The following SYT9 variants were observed in gnomAD, a reference collection of about 807,000 sequenced individuals.
SYT9 encodes the protein synaptotagmin-9.
In SYT9, 22 loss-of-function variants were observed where a neutral mutation model predicts 48.4. The ratio of observed to expected loss-of-function variants is 0.45; its 90% CI spans 0.32 to 0.65. The LOEUF (loss-of-function observed/expected upper bound fraction) is 0.65. Ranked by LOEUF, SYT9 falls within the 30% of genes least tolerant of loss-of-function variation. The pLI, the probability that SYT9 is intolerant of heterozygous loss-of-function variation, is 0.03. For missense variants in SYT9, 577 were observed against 622.0 expected (o/e 0.93, Z 0.77); for synonymous variants, 265 against 245.0 (o/e 1.08, Z -0.76).
At chr11:7,378,943 T>C (rs1850505703) in intron 3 of SYT9, among the ~76,000 whole-genome samples, 1 of 152,318 alleles carries the variant, frequency 6.6e-6, no homozygotes, top group Middle Eastern at 3.4e-3. Context: ...TAAAACACAC[T>C]GTGGCAGTCA....
chr11:7,347,421 G>A (rs905457758), intron 3 of SYT9, among the ~76,000 whole-genome samples: 1 of 151,992 alleles, frequency 6.6e-6, no homozygotes, highest in Non-Finnish European at 1.5e-5. Flanking sequence ...TTTTAGTGGA[G>A]ACGGGGTTCT....
chr11:7,453,728 A>C (rs2134151366), intron 6 of SYT9, among the ~76,000 whole-genome samples: 1 of 152,334 alleles, frequency 6.6e-6, no homozygotes, highest in Middle Eastern at 3.4e-3. Context: ...TGAGAAGTGC[A>C]TTTCCATCAC....
At chr11:7,408,468 A>C (rs1381576431) in intron 3 of SYT9, among the ~76,000 whole-genome samples, 1 of 152,236 alleles carries the variant, frequency 6.6e-6, no homozygotes. Flanking sequence ...CTTCTGATCC[A>C]TGAGCATGGG....
chr11:7,247,685 T>TAC (rs1491252579), upstream of SYT9, among the ~76,000 whole-genome samples: 3 of 116,126 alleles, frequency 2.6e-5, no homozygotes, highest in Admixed American at 7.7e-5. Flanking sequence ...TATATGTGTG[T>TAC]ATATATATAT....
At chr11:7,379,708 T>C (rs2134043548) in intron 3 of SYT9, among the ~76,000 whole-genome samples, 1 of 152,240 alleles carries the variant, frequency 6.6e-6, no homozygotes, top group East Asian at 1.9e-4. Flanking sequence ...ATCCTGACCC[T>C]CTCTCATGGT....
At chr11:7,241,268 AT>A (rs1847737847) in intron 1 of SYT9, among the ~76,000 whole-genome samples, 1 of 151,470 alleles carries the variant, frequency 6.6e-6, no homozygotes, top group African/African-American at 2.4e-5. Flanking sequence ...CACACAGCAC[AT>A]ATCTTAGAGA....
At chr11:7,446,241 GT>G (rs1847927711) in intron 6 of SYT9, among the ~76,000 whole-genome samples, 1 of 152,248 alleles carries the variant, frequency 6.6e-6, no homozygotes, top group South Asian at 2.1e-4. Context: ...GATAATCATG[GT>G]TATCGTTGGA....
chr11:7,369,495 T>C (rs1265967397), intron 3 of SYT9, among the ~76,000 whole-genome samples: 3 of 152,164 alleles, frequency 2.0e-5, no homozygotes, highest in Admixed American at 2.0e-4. Flanking sequence ...ATATTCCATT[T>C]GTCAGTTTTG....
At chr11:7,253,424 T>C (rs1268942765) in intron 1 of SYT9, among the ~76,000 whole-genome samples, 1 of 152,168 alleles carries the variant, frequency 6.6e-6, no homozygotes, top group African/African-American at 2.4e-5. Flanking sequence ...AATCCATTTA[T>C]CCAAAAGATA....
chr11:7,434,025 T>C (rs1019789333), intron 6 of SYT9, among the ~76,000 whole-genome samples: 13 of 152,310 alleles, frequency 8.5e-5, no homozygotes, highest in African/African-American at 2.9e-4. Flanking sequence ...CCACCTCAGC[T>C]ACAGCACAGG....
chr11:7,245,489 T>C (rs138013559), intron 1 of SYT9, among the ~76,000 whole-genome samples: 36 of 152,234 alleles, frequency 2.4e-4, no homozygotes, highest in African/African-American at 8.4e-4. Flanking sequence ...CAAAGGCTTT[T>C]TTCGTCAGCA....
chr11:7,416,183 G>A (rs376948796), intron 4 of SYT9, 21 bp downstream of exon 4: 1 of 1,613,906 alleles, frequency 6.2e-7, no homozygotes, highest in Non-Finnish European at 8.5e-7. Flanking sequence ...TTCAAATTCA[G>A]ACTTCCTCAT....
intron 1 of SYT9, among the ~76,000 whole-genome samples, chr11:7,270,832 GACACACACACACACACAC>G (rs56891844): frequency 0.017 from 2,479 of 147,278 alleles, 68 homozygotes; most frequent in African/African-American, 0.058. Flanking sequence ...ACAAGACACA[GACACACACACACACACAC>G]ACACACACAC....
chr11:7,432,470 G>A (rs544218310), intron 6 of SYT9, among the ~76,000 whole-genome samples: 5 of 145,764 alleles, frequency 3.4e-5, no homozygotes, highest in East Asian at 2.1e-4. Context: ...TAGCTTGAAC[G>A]TGGGAGGCAG....
chr11:7,450,601 A>G (rs1848029184), intron 6 of SYT9, among the ~76,000 whole-genome samples: 1 of 152,234 alleles, frequency 6.6e-6, no homozygotes, highest in Non-Finnish European at 1.5e-5. Flanking sequence ...TTAAACTCAC[A>G]GTGTTCCTCC....
chr11:7,259,616 G>GT (rs1014957613), intron 1 of SYT9, among the ~76,000 whole-genome samples: 13 of 151,444 alleles, frequency 8.6e-5, no homozygotes, highest in Non-Finnish European at 1.2e-4. Flanking sequence ...TTCAATTTGT[G>GT]TTTTTTTTGT....
chr11:7,392,827 G>C (rs577121683), intron 3 of SYT9, among the ~76,000 whole-genome samples: 1 of 152,102 alleles, frequency 6.6e-6, no homozygotes, highest in East Asian at 1.9e-4. Context: ...TCCTTCATTA[G>C]ATGTATCCCT....
chr11:7,278,002 C>A (rs1329988279), intron 1 of SYT9, among the ~76,000 whole-genome samples: 1 of 152,186 alleles, frequency 6.6e-6, no homozygotes, highest in African/African-American at 2.4e-5. Flanking sequence ...TTATTTTTTA[C>A]AGTTATAGAG....
At chr11:7,306,461 G>C (rs930439093) in intron 2 of SYT9, among the ~76,000 whole-genome samples, 7 of 152,142 alleles carry the variant, frequency 4.6e-5, no homozygotes, top group Admixed American at 1.3e-4. Context: ...TATGGCCAAG[G>C]CCACCATGTT....
Sources: gnomAD v4.1 joint callset for allele counts (sites outside exome capture counted in the v4.1 genomes callset) on GRCh38, gnomAD v4.1.1 for gene constraint, MANE v1.5 for transcripts, NCBI Gene and HGNC (gene_info 2026-07-23, HGNC 2026-07-21) for gene names.